POTEI: variants seen among roughly 807,000 people sequenced by gnomAD.
The protein encoded by POTEI is POTE ankyrin domain family, member I.
In POTEI, 14 loss-of-function variants were observed where a neutral mutation model predicts 43.4. That is an observed-to-expected ratio of 0.32 (90% CI 0.21 to 0.50). POTEI has a LOEUF of 0.50. Ranked by LOEUF, POTEI falls within the 20% of genes least tolerant of loss-of-function variation. The pLI is 0.98. For synonymous variants in POTEI, 95 were observed against 297.9 expected, an observed-to-expected ratio of 0.32 and a Z score of 7.01; for missense variants, 235 against 795.4, an observed-to-expected ratio of 0.30 and a Z score of 8.47.
intron 6 of POTEI, among the ~76,000 whole-genome samples, chr2:130,494,692 C>G (rs1412362972): frequency 7.0e-6 from 1 of 143,388 alleles, no homozygotes; most frequent in African/African-American, 2.5e-5. Flanking sequence ...GTGAATAAAA[C>G]ACTGCCAACA....
intron 1 of POTEI, among the ~76,000 whole-genome samples, chr2:130,507,317 TACACACACAC>T (rs56343526): frequency 0.045 from 591 of 13,038 alleles, 117 homozygotes; most frequent in African/African-American, 0.11. Context: ...TATATATATA[TACACACACAC>T]ACACACACAC....
At chr2:130,496,771 C>G in intron 5 of POTEI, 149 bp from the exon 6 acceptor site, 1 of 510,516 alleles carries the variant, frequency 2.0e-6, no homozygotes. Flanking sequence ...GTACATTCTA[C>G]AAACTTCTCT....
intron 9 of POTEI, among the ~76,000 whole-genome samples, chr2:130,482,354 A>C (rs1158484995): frequency 7.4e-5 from 11 of 149,176 alleles, no homozygotes; most frequent in Non-Finnish European, 2.9e-5. Context: ...ACTCTAAATA[A>C]GTCCTAGCTC....
intron 13 of POTEI, among the ~76,000 whole-genome samples, chr2:130,467,658 A>G (rs2105051575): frequency 6.6e-6 from 1 of 152,222 alleles, no homozygotes; most frequent in African/African-American, 2.4e-5. Flanking sequence ...GCACAGCAAA[A>G]GAAATAATCA....
intron 6 of POTEI, among the ~76,000 whole-genome samples, chr2:130,492,971 CTA>C (rs1442844168): frequency 6.6e-6 from 1 of 150,894 alleles, no homozygotes; most frequent in Non-Finnish European, 1.5e-5. Context: ...AAATACTAGC[CTA>C]TACAAAAAAC....
At position 130,462,493 on chromosome 2, in the gene POTEI, TC is replaced by T. The variant is rs1174056216; in HGVS notation, c.*322del. 2 of 338,114 alleles carry T rather than the reference TC, an allele frequency of 5.9e-6. No homozygotes were observed. Among genetic ancestry groups the T allele is most frequent in the Non-Finnish European group, 1.1e-5 (2 of 181,680 alleles). The allele number at this position is 338,114 out of a possible 1,614,324, so 20.9% of individuals were successfully genotyped here. A position where few individuals can be genotyped will look rare whatever the true frequency, so the allele number is the denominator to read the frequency against. ...AACTAGGGAGAGGACTGGGCCATTC[TC>T]CTTAGAGAGAAGTGGGGTGGCTTTT... is the stretch of plus-strand genomic sequence containing the variant. On this transcript the variant is annotated 3_prime_UTR_variant, in exon 15 of 15. Transcript: ENST00000451531.
At chr2:130,469,174 C>A (rs1012316093) in intron 13 of POTEI, among the ~76,000 whole-genome samples, 1 of 130,394 alleles carries the variant, frequency 7.7e-6, no homozygotes, top group Non-Finnish European at 1.6e-5. Flanking sequence ...TATTATTAAC[C>A]AAGTCATCAT....
chr2:130,468,784 TTTTG>T (rs1484450973), intron 13 of POTEI, among the ~76,000 whole-genome samples: 4 of 152,234 alleles, frequency 2.6e-5, no homozygotes, highest in Admixed American at 6.5e-5. Flanking sequence ...TTACTTATGA[TTTTG>T]TTTGAAAACA....
chr2:130,467,877 AATC>A (rs1165580142), intron 13 of POTEI, among the ~76,000 whole-genome samples: 4 of 139,064 alleles, frequency 2.9e-5, no homozygotes, highest in African/African-American at 1.1e-4. Flanking sequence ...AAATATCTCT[AATC>A]ATCAGGGAAA....
intron 10 of POTEI, among the ~76,000 whole-genome samples, chr2:130,479,233 T>G (rs2105077519): frequency 6.7e-6 from 1 of 150,320 alleles, no homozygotes; most frequent in East Asian, 2.0e-4. Flanking sequence ...GACTTCTATT[T>G]AAAAGAAAAC....
intron 6 of POTEI, among the ~76,000 whole-genome samples, chr2:130,492,526 A>G (rs1244618054): frequency 3.1e-3 from 396 of 127,152 alleles, no homozygotes; most frequent in African/African-American, 0.011. Flanking sequence ...CTTATGTGTA[A>G]TTTTAAGATG....
Position 130,460,270 on chromosome 2 carries a change from TC to T in POTEI, c.*2545del. 1 of 151,664 alleles carries T rather than the reference TC, an allele frequency of 6.6e-6. No homozygotes were observed. Among genetic ancestry groups the T allele is most frequent in the Non-Finnish European group, 1.5e-5 (1 of 68,000 alleles). 9.4% of individuals were successfully genotyped at this position (151,664 alleles called of 1,614,324 possible). A position where few individuals can be genotyped will look rare whatever the true frequency, so the allele number is the denominator to read the frequency against. On this transcript the variant is annotated 3_prime_UTR_variant, in exon 15 of 15. Coordinates refer to ENST00000451531, the MANE Select transcript of POTEI (RefSeq NM_001277406.2). The stretch of plus-strand genomic sequence containing the variant: ...TGCAAGATTGCCCAGCCTCCAGAGA[TC>T]AGGTCTCAGAGGAGAACTCTCTCAA...
At chr2:130,468,715 T>C (rs1381832159) in intron 13 of POTEI, among the ~76,000 whole-genome samples, 1 of 136,798 alleles carries the variant, frequency 7.3e-6, no homozygotes, top group African/African-American at 2.7e-5. Flanking sequence ...GGGGGGGGGG[T>C]ATCCTTATTT....
At chr2:130,482,902 C>T (rs1337467375) in intron 9 of POTEI, among the ~76,000 whole-genome samples, 2 of 90,054 alleles carry the variant, frequency 2.2e-5, no homozygotes, top group South Asian at 5.7e-4. Flanking sequence ...GCTTTATATA[C>T]ATGTTCATCT....
intron 9 of POTEI, among the ~76,000 whole-genome samples, chr2:130,484,910 CAA>C (rs1262742784): frequency 6.6e-6 from 1 of 151,260 alleles, no homozygotes; most frequent in African/African-American, 2.4e-5. Context: ...GTAGACCTGA[CAA>C]GATTTACTGA....
chr2:130,486,862 C>G (rs1420531971), intron 9 of POTEI, among the ~76,000 whole-genome samples: 1 of 126,270 alleles, frequency 7.9e-6, no homozygotes, highest in Non-Finnish European at 1.7e-5. Context: ...GATGAAAGAT[C>G]CTTTGATACA....
At position 130,508,714 on chromosome 2, in the gene POTEI, C is replaced by T. The variant is rs1378505466; in HGVS notation, c.521+1G>A. On this transcript the variant is annotated splice_donor_variant, in intron 1 of 14. Transcript: ENST00000451531. LOFTEE classifies it high-confidence loss of function. The stretch of plus-strand genomic sequence containing the variant: ...CCTCCTCCCAGCCCAGGCCTGGTTA[C>T]CTCTTTTGCTTGTCCTGCTTGTTCA... 3.7e-6 allele frequency: 4 copies of T among 1,090,552 alleles called. No individual in the cohort carries two copies. Among genetic ancestry groups the T allele is most frequent in the East Asian group, 3.1e-5 (1 of 32,368 alleles). The allele number at this position is 1,090,552 out of a possible 1,614,324, so 67.6% of individuals were successfully genotyped here. A position where few individuals can be genotyped will look rare whatever the true frequency, so the allele number is the denominator to read the frequency against.
chr2:130,492,829 G>A lies in POTEI; in HGVS notation c.1127-2089C>T, dbSNP rs1037175375. ...GTGCCTATGAATTTAACTAATAATT[G>A]TGAATTCAGAGCTGTGACAATAAAG... On this transcript the variant is annotated intron_variant, in intron 6 of 14. Transcript: ENST00000451531. 1.7e-4 allele frequency among the ~76,000 whole-genome samples: 24 copies of A among 143,916 alleles called. 1 individual carries two copies. The South Asian group carries it at 4.2e-3, about 25-fold the overall frequency. The allele number at this position is 143,916 out of a possible 152,430, so 94.4% of individuals were successfully genotyped here.
intron 1 of POTEI, among the ~76,000 whole-genome samples, chr2:130,507,370 A>G (rs1416401080): frequency 4.2e-4 from 6 of 14,224 alleles, no homozygotes; most frequent in Non-Finnish European, 5.6e-4. Context: ...ACACATATAT[A>G]TGTATATATA....
Sources: gnomAD v4.1 joint callset for allele counts (sites outside exome capture counted in the v4.1 genomes callset) on GRCh38, gnomAD v4.1.1 for gene constraint, MANE v1.5 for transcripts, NCBI Gene and HGNC (gene_info 2026-07-23, HGNC 2026-07-21) for gene names.